Variants in FAN1 observed in about 807,000 individuals in gnomAD.
FAN1 encodes the protein FANCD2 and FANCI associated nuclease 1, also known as fanconi-associated nuclease 1.
In FAN1, 91 loss-of-function variants were observed where a neutral mutation model predicts 104.9. The ratio of observed to expected loss-of-function variants is 0.87; its 90% confidence interval spans 0.73 to 1.03. The LOEUF (loss-of-function observed/expected upper bound fraction) is 1.03, where lower values mean the gene tolerates loss of function less well. Among genes scored for constraint, FAN1 ranks in the 50% least tolerant of loss-of-function variants. The pLI, the probability that FAN1 is intolerant of heterozygous loss-of-function variation, is 0.00. For synonymous variants in FAN1, 478 were observed against 457.6 expected (o/e 1.04, Z -0.57); for missense variants, 1,263 against 1,239.9 (o/e 1.02, Z -0.28).
chr15:30,939,310 G>A (rs760374883), intron 14 of FAN1: 17 of 985,354 alleles, frequency 1.7e-5, no homozygotes, highest in Admixed American at 1.2e-4. Context: ...GCATCTGTGC[G>A]GCATTCCCTC....
At chr15:30,939,047 C>CTTT (rs1595895470) in intron 14 of FAN1, 1 of 985,386 alleles carries the variant, frequency 1.0e-6, no homozygotes, top group African/African-American at 1.7e-5. Context: ...GAACTCAAGT[C>CTTT]ATCAATTTTA....
At chr15:30,906,020 GTGGGAGTGTTCA>G in intron 2 of FAN1, 123 bp downstream of exon 2, 1 of 866,334 alleles carries the variant, frequency 1.2e-6, no homozygotes, top group Non-Finnish European at 1.8e-6. Flanking sequence ...TGAGCACCCT[GTGGGAGTGTTCA>G]TGGGAGTTGG....
intron 11 of FAN1, 59 bp from the exon 12 acceptor site, chr15:30,929,142 CCT>C: frequency 6.8e-7 from 1 of 1,473,488 alleles, no homozygotes; most frequent in Non-Finnish European, 9.3e-7. Context: ...ACTGACTAGT[CCT>C]CTGGTGAACA....
chr15:30,927,981 G>A (rs1448292777), intron 10 of FAN1: 3 of 985,730 alleles, frequency 3.0e-6, no homozygotes, highest in African/African-American at 3.5e-5. Flanking sequence ...AAGGCCAGAT[G>A]TCTCTGTAAA....
At position 30,929,844 on chromosome 15, in the gene FAN1, AAAAT is replaced by A. The variant is rs1472968129; in HGVS notation, c.2787+449_2787+452del. On this transcript the variant is annotated intron_variant, in intron 12 of 14. Transcript: ENST00000362065. Reference sequence around the variant, plus strand: ...TTATATCATATATAATATAATATATAAAATATATATCATATATAATATATATAAA... The same window carrying A: ...TTATATCATATATAATATAATATATAATATATCATATATAATATATATAAA... Among the ~76,000 whole-genome samples, 68 of 79,486 alleles carry A rather than the reference AAAAT, an allele frequency of 8.6e-4. 9 individuals carry two copies. Among genetic ancestry groups the A allele is most frequent in the African/African-American group, 4.6e-3 (63 of 13,652 alleles). 52.1% of individuals were successfully genotyped at this position (79,486 alleles called of 152,430 possible). A position where few individuals can be genotyped will look rare whatever the true frequency, so the allele number is the denominator to read the frequency against.
Position 30,904,639 on chromosome 15 carries a change from A to G in FAN1, c.-25A>G. 2 of 1,607,356 alleles carry G rather than the reference A, an allele frequency of 1.2e-6. No homozygotes were observed. The highest frequency in any genetic ancestry group is 1.7e-6 in the Non-Finnish European group (2 of 1,177,078). On this transcript the variant is annotated 5_prime_UTR_variant, in exon 2 of 15. Coordinates refer to ENST00000362065, the MANE Select transcript of FAN1 (RefSeq NM_014967.5). Reference sequence around the variant, plus strand: ...TTAAATATCCTGTGTTTTATTGCTCAGAACATCCAGTTTTTCTAATACTCA... The same window carrying G: ...TTAAATATCCTGTGTTTTATTGCTCGGAACATCCAGTTTTTCTAATACTCA...
intron 3 of FAN1, among the ~76,000 whole-genome samples, chr15:30,908,709 C>T (rs747598568): frequency 2.4e-4 from 36 of 152,128 alleles, no homozygotes; most frequent in Admixed American, 4.6e-4. Context: ...GGTGTGGTGG[C>T]GCATGCCTGT....
chr15:30,910,433 TATA>T (rs1203868943), intron 3 of FAN1, among the ~76,000 whole-genome samples, 178 bp from the exon 4 acceptor site: 2 of 152,254 alleles, frequency 1.3e-5, no homozygotes, highest in African/African-American at 4.8e-5. Flanking sequence ...TTTTAAGAGA[TATA>T]ATAATAGTGT....
At chr15:30,931,594 T>G (rs1029268009) in intron 13 of FAN1, among the ~76,000 whole-genome samples, 2 of 152,214 alleles carry the variant, frequency 1.3e-5, no homozygotes, top group African/African-American at 2.4e-5. Context: ...TGAGACGCCA[T>G]TTGTATACAG....
chr15:30,928,506 TTGTGTGTGTGTGTGTGTGTG>T, intron 10 of FAN1, 27 bp from the exon 11 acceptor site: 2 of 1,483,544 alleles, frequency 1.3e-6, no homozygotes, highest in East Asian at 2.5e-5. Flanking sequence ...AAAACAGATT[TTGTGTGTGTGTGTGTGTGTG>T]TGTGTGTGTG....
chr15:30,914,429 A>G (rs1435793292), intron 5 of FAN1, among the ~76,000 whole-genome samples: 1 of 152,196 alleles, frequency 6.6e-6, no homozygotes, highest in Non-Finnish European at 1.5e-5. Flanking sequence ...CGGTGGCATG[A>G]TCACCGCTCA....
chr15:30,909,071 A>G (rs973844525), intron 3 of FAN1, among the ~76,000 whole-genome samples: 6 of 152,044 alleles, frequency 3.9e-5, no homozygotes, highest in South Asian at 2.1e-4. Context: ...AGGAGAGTCT[A>G]TCTTCTGCAG....
intron 14 of FAN1, chr15:30,940,958 A>C (rs2063025779): frequency 9.1e-7 from 1 of 1,095,180 alleles, no homozygotes; most frequent in African/African-American, 1.7e-5. Flanking sequence ...AAGGTGATCT[A>C]AAATCATAAA....
intron 3 of FAN1, among the ~76,000 whole-genome samples, 163 bp from the exon 4 acceptor site, chr15:30,910,451 A>C (rs947686443): frequency 6.6e-6 from 1 of 152,262 alleles, no homozygotes; most frequent in African/African-American, 2.4e-5. Flanking sequence ...TAGTGTTATT[A>C]ATACGTTAAT....
At chr15:30,929,520 A>C in intron 12 of FAN1, 123 bp downstream of exon 12, 1 of 416,018 alleles carries the variant, frequency 2.4e-6, no homozygotes. Flanking sequence ...GTGTGTGCAT[A>C]TATATGATAT....
chr15:30,937,982 G>A (rs1308047243), intron 14 of FAN1, among the ~76,000 whole-genome samples: 1 of 151,588 alleles, frequency 6.6e-6, no homozygotes, highest in African/African-American at 2.4e-5. Context: ...TCAAGAGATC[G>A]AGACCATCCT....
Position 30,941,709 on chromosome 15 carries a change from G to A in FAN1, c.*147G>A. 6.2e-7 allele frequency: 1 copy of A among 1,613,906 alleles called. No homozygotes were observed. Among genetic ancestry groups the A allele is most frequent in the Non-Finnish European group, 8.5e-7 (1 of 1,179,850 alleles). On this transcript the variant is annotated 3_prime_UTR_variant, in exon 15 of 15. Transcript: ENST00000362065. Reference sequence around the variant, plus strand: ...CAGGCCTCCAGGGGGCCACTGCGCTGTTGCCGCAGCATCCTGCTCAGTACG... The same window carrying A: ...CAGGCCTCCAGGGGGCCACTGCGCTATTGCCGCAGCATCCTGCTCAGTACG...
Position 30,918,164 on chromosome 15 carries a change from A to C in FAN1, c.1812A>C (p.Arg604Ser). 6.2e-7 allele frequency: 1 copy of C among 1,613,950 alleles called. No homozygotes were observed. The highest frequency in any genetic ancestry group is 8.5e-7 in the Non-Finnish European group (1 of 1,180,024). ...GAACTTGGATGGCATTTTCCTCCAG[A>C]TATGCAGCAGCCACGCACATGCTGA... ...HIFQDRDDLI[R>S]YAAATHMLSD... Residue 604 changes from arginine to serine, a missense_variant and splice_region_variant, in exon 6 of 15, where the codon AGA becomes AGC. Physicochemically the swap from Arg to Ser is moderately radical, Grantham distance 110 (BLOSUM62 -1). This residue lies in a region of FAN1 where 581 missense variants were observed against 668.8 expected (regional missense o/e 0.87). Coordinates refer to ENST00000362065, the MANE Select transcript of FAN1 (RefSeq NM_014967.5).
intron 10 of FAN1, chr15:30,926,748 G>T (rs1365025754): frequency 5.1e-6 from 5 of 985,432 alleles, no homozygotes; most frequent in East Asian, 1.1e-4. Flanking sequence ...CTCGCTGGAG[G>T]AGGAAGCAGG....
Sources: gnomAD v4.1 joint callset for allele counts (sites outside exome capture counted in the v4.1 genomes callset) on GRCh38, gnomAD v4.1.1 for gene constraint, gnomAD v4.1.1 regional missense constraint, MANE v1.5 for transcripts, NCBI Gene and HGNC (gene_info 2026-07-23, HGNC 2026-07-21) for gene names.